The following CTDSPL variants were observed in gnomAD, a reference collection of about 807,000 sequenced individuals.
CTDSPL encodes the protein CTD small phosphatase like, also known as CTD small phosphatase-like protein.
In CTDSPL, 8 loss-of-function variants were observed where a neutral mutation model predicts 30.5. The ratio of observed to expected loss-of-function variants is 0.26; its 90% CI spans 0.15 to 0.47. The LOEUF is 0.47. CTDSPL is among the 20% of genes least tolerant of loss of function. The probability of loss-of-function intolerance (pLI) is 0.99; values close to 1 mark genes in which losing one functional copy is unlikely to be tolerated. For synonymous variants in CTDSPL, 110 were observed against 137.9 expected (o/e 0.80, Z 1.42); for missense variants, 248 against 366.1 (o/e 0.68, Z 2.63).
chr3:37,929,631 T>A (rs1292618489), intron 1 of CTDSPL, among the ~76,000 whole-genome samples: 1 of 152,248 alleles, frequency 6.6e-6, no homozygotes, highest in Non-Finnish European at 1.5e-5. Flanking sequence ...CATGTTGATT[T>A]TTGTCTTGCA....
chr3:37,957,262 A>G (rs1699185273), intron 3 of CTDSPL, 119 bp downstream of exon 3: 1 of 665,790 alleles, frequency 1.5e-6, no homozygotes, highest in South Asian at 1.9e-5. Flanking sequence ...ATCATGTGGT[A>G]TAAACAGCTC....
At chr3:37,902,083 TTCTTGAAAC>T (rs1159006776) in intron 1 of CTDSPL, among the ~76,000 whole-genome samples, 3 of 152,192 alleles carry the variant, frequency 2.0e-5, no homozygotes, top group African/African-American at 7.2e-5. Flanking sequence ...GCAAATGCTG[TTCTTGAAAC>T]TCTCAGCTTA....
chr3:37,929,192 G>T (rs1291291399), intron 1 of CTDSPL, among the ~76,000 whole-genome samples: 3 of 152,122 alleles, frequency 2.0e-5, no homozygotes, highest in Non-Finnish European at 2.9e-5. Context: ...TTTGTAATTT[G>T]TTTTGAAGTC....
At chr3:37,943,182 T>C (rs561973087) in intron 1 of CTDSPL, among the ~76,000 whole-genome samples, 4 of 150,262 alleles carry the variant, frequency 2.7e-5, no homozygotes, top group Non-Finnish European at 6.0e-5. Context: ...GACAGGTGGA[T>C]GAACTGGCCT....
intron 1 of CTDSPL, among the ~76,000 whole-genome samples, chr3:37,887,681 G>C (rs1698278436): frequency 6.6e-6 from 1 of 152,186 alleles, no homozygotes; most frequent in Non-Finnish European, 1.5e-5. Context: ...ATAAGGGCTT[G>C]CTATTGTTAA....
At position 37,977,503 on chromosome 3, in the gene CTDSPL, T is replaced by A. The variant is rs377716234; in HGVS notation, c.705+1609T>A. On this transcript the variant is annotated intron_variant, in intron 7 of 7. Transcript: ENST00000273179. Reference sequence around the variant, plus strand: ...TCCAGCTGCTGTCTTGTGATGATGTTTAATATGTTCTTATAGCCACCTTAT... The same window carrying A: ...TCCAGCTGCTGTCTTGTGATGATGTATAATATGTTCTTATAGCCACCTTAT... Among the ~76,000 whole-genome samples, 8 of 152,324 alleles carry A rather than the reference T, an allele frequency of 5.3e-5. No individual in the cohort carries two copies. The East Asian group carries it at 1.3e-3, about 26-fold the overall frequency.
rs776964752 is a variant in CTDSPL at position 37,971,445 on chromosome 3, C to T, written c.465C>T (p.Leu155=). 30 of 1,614,084 alleles carry T rather than the reference C, an allele frequency of 1.9e-5. No individual in the cohort carries two copies. Among genetic ancestry groups the T allele is most frequent in the African/African-American group, 2.7e-5 (2 of 74,944 alleles). ...AGCGGCCACATGTGGACGAGTTCCTCCAGAGGATGGGGCAGCTTTTTGAAT... is the reference window on the plus strand; with the variant it reads ...AGCGGCCACATGTGGACGAGTTCCTTCAGAGGATGGGGCAGCTTTTTGAAT... The part of the protein sequence containing the change: ...VLKRPHVDEF[L]QRMGQLFECV... The change falls in exon 6 of 8, where the codon CTC becomes CTT. Residue 155 remains leucine (L), a synonymous_variant. Transcript: ENST00000273179.
At position 37,982,601 on chromosome 3, in the gene CTDSPL, G is replaced by T. The variant is rs767843185; in HGVS notation, c.*1734G>T. The stretch of plus-strand genomic sequence containing the variant: ...AGCTGCCAATTACATCCTCCCAACA[G>T]CACTTTGGTCTGTGGACTGCTGTGT... On this transcript the variant is annotated 3_prime_UTR_variant, in exon 8 of 8. Coordinates refer to ENST00000273179, the MANE Select transcript of CTDSPL (RefSeq NM_001008392.2). 3 of 456,554 alleles carry T rather than the reference G, an allele frequency of 6.6e-6. No homozygotes were observed. The highest frequency in any genetic ancestry group is 1.3e-5 in the Non-Finnish European group (3 of 226,984). 28.3% of individuals were successfully genotyped at this position (456,554 alleles called of 1,614,324 possible).
chr3:37,969,102 A>G (rs903403390), intron 5 of CTDSPL, among the ~76,000 whole-genome samples: 1 of 152,264 alleles, frequency 6.6e-6, no homozygotes, highest in Non-Finnish European at 1.5e-5. Context: ...AGCATCTGAG[A>G]AGCAGTTAAG....
At position 37,862,386 on chromosome 3, in the gene CTDSPL, C is replaced by A. The variant is rs1697952818; in HGVS notation, c.79+108C>A. ...GGCCTGGGGGAGGGGTGCACAGGGCCCGGAGGGTGCGTGGGTGTGGGGTGC... is the reference window on the plus strand; with the variant it reads ...GGCCTGGGGGAGGGGTGCACAGGGCACGGAGGGTGCGTGGGTGTGGGGTGC... On this transcript the variant is annotated intron_variant, in intron 1 of 7. Coordinates refer to ENST00000273179, the MANE Select transcript of CTDSPL (RefSeq NM_001008392.2). The surrounding 1 kb of genome is among the most constrained non-coding windows in gnomAD (Gnocchi z 4.3). The A allele has an allele frequency of 1.1e-6, 1 of 925,184 alleles. No homozygotes were observed. Among genetic ancestry groups the A allele is most frequent in the Non-Finnish European group, 1.4e-6 (1 of 698,622 alleles). 57.3% of individuals were successfully genotyped at this position (925,184 alleles called of 1,614,324 possible). A position where few individuals can be genotyped will look rare whatever the true frequency, so the allele number is the denominator to read the frequency against.
intron 1 of CTDSPL, among the ~76,000 whole-genome samples, chr3:37,945,774 C>T (rs1397110829): frequency 1.3e-5 from 2 of 152,182 alleles, no homozygotes; most frequent in Non-Finnish European, 2.9e-5. Flanking sequence ...TTTGCCCAAA[C>T]CTAGGGTAGA....
intron 1 of CTDSPL, among the ~76,000 whole-genome samples, chr3:37,916,946 G>A (rs1258786718): frequency 6.6e-6 from 1 of 152,180 alleles, no homozygotes; most frequent in Non-Finnish European, 1.5e-5. Context: ...AGTTTGGGTA[G>A]TACCTGGGTG....
intron 1 of CTDSPL, among the ~76,000 whole-genome samples, chr3:37,936,064 C>A (rs1698911808): frequency 6.6e-6 from 1 of 152,126 alleles, no homozygotes; most frequent in Non-Finnish European, 1.5e-5. Context: ...TTGTTATGAA[C>A]CCACAGTGGA....
intron 1 of CTDSPL, among the ~76,000 whole-genome samples, chr3:37,933,157 G>GAAAAAA (rs57356731): frequency 3.2e-5 from 2 of 61,610 alleles, no homozygotes. Context: ...TCTGTCTCAA[G>GAAAAAA]AAAAAAAAAA....
At position 37,975,320 on chromosome 3, in the gene CTDSPL, T is replaced by C. The variant is rs908835524; in HGVS notation, c.520-389T>C. Among the ~76,000 whole-genome samples the C allele has an allele frequency of 6.6e-6, 1 of 152,174 alleles. No individual in the cohort carries two copies. Among genetic ancestry groups the C allele is most frequent in the Non-Finnish European group, 1.5e-5 (1 of 68,040 alleles). ...CAGAGGAGTGACATGATGGCACATATGTTTTCCAGTGGCCACTCTGACAGC... is the reference window on the plus strand; with the variant it reads ...CAGAGGAGTGACATGATGGCACATACGTTTTCCAGTGGCCACTCTGACAGC... On this transcript the variant is annotated intron_variant, in intron 6 of 7. Transcript: ENST00000273179. The surrounding 1 kb of genome is among the most constrained non-coding windows in gnomAD (Gnocchi z 4.9).
At chr3:37,868,736 G>A (rs1405876302) in intron 1 of CTDSPL, among the ~76,000 whole-genome samples, 1 of 151,986 alleles carries the variant, frequency 6.6e-6, no homozygotes, top group African/African-American at 2.4e-5. Flanking sequence ...TCTGTTTCTG[G>A]GTTTATTTAT....
intron 1 of CTDSPL, among the ~76,000 whole-genome samples, chr3:37,873,675 G>A (rs1698102608): frequency 6.6e-6 from 1 of 152,174 alleles, no homozygotes; most frequent in South Asian, 2.1e-4. Context: ...AGTATTTTAA[G>A]GAAGACTAGA....
intron 1 of CTDSPL, among the ~76,000 whole-genome samples, chr3:37,921,487 C>G (rs9869885): frequency 6.6e-6 from 1 of 152,008 alleles, no homozygotes; most frequent in African/African-American, 2.4e-5. Flanking sequence ...GTCTCCTCCC[C>G]CTAGTTTGAG....
At chr3:37,884,527 A>G (rs559916096) in intron 1 of CTDSPL, among the ~76,000 whole-genome samples, 1 of 152,208 alleles carries the variant, frequency 6.6e-6, no homozygotes, top group Non-Finnish European at 1.5e-5. Context: ...AAAACTTTCT[A>G]AAGATCTTAG....
Sources: gnomAD v4.1 joint callset for allele counts (sites outside exome capture counted in the v4.1 genomes callset) on GRCh38, gnomAD v4.1.1 for gene constraint, Gnocchi (gnomAD v3.1) non-coding constraint, MANE v1.5 for transcripts, NCBI Gene and HGNC (gene_info 2026-07-23, HGNC 2026-07-21) for gene names.